LCOR: variants seen among roughly 807,000 people sequenced by gnomAD.
The protein encoded by LCOR is ligand dependent nuclear receptor corepressor.
Under a neutral mutation model 64.4 loss-of-function variants are expected in LCOR, and 14 were observed. The ratio of observed to expected loss-of-function variants is 0.22; its 90% CI spans 0.14 to 0.34. The LOEUF (loss-of-function observed/expected upper bound fraction) is 0.34, where lower values mean the gene tolerates loss of function less well. Among genes scored for constraint, LCOR ranks in the 10% least tolerant of loss-of-function variants. The pLI is 1.00. For missense variants in LCOR, 1,686 were observed against 1,765.3 expected (o/e 0.96, Z 0.80); for synonymous variants, 643 against 642.5 (o/e 1.00, Z -0.01).
intron 6 of LCOR, among the ~76,000 whole-genome samples, chr10:96,950,986 G>A (rs1847668481): frequency 6.6e-6 from 1 of 152,106 alleles, no homozygotes; most frequent in Non-Finnish European, 1.5e-5. Context: ...TTTCTTATGA[G>A]TGTGGGGTTT....
At position 96,929,020 on chromosome 10, in the gene LCOR, T is replaced by C. The variant is rs545629871; in HGVS notation, c.-183-15093T>C. Among the ~76,000 whole-genome samples, 36 of 152,334 alleles carry C rather than the reference T, an allele frequency of 2.4e-4. 1 individual carries two copies. The highest frequency in any genetic ancestry group is 8.7e-4 in the African/African-American group (36 of 41,580). On this transcript the variant is annotated intron_variant, in intron 4 of 7. Transcript: ENST00000421806. ...CAGTAAACCATAATATAAACACATG[T>C]GTTGTCATCCAGGCTTTGTTGTTCT...
intron 4 of LCOR, among the ~76,000 whole-genome samples, chr10:96,923,976 C>CT (rs1376703172): frequency 6.6e-6 from 1 of 152,198 alleles, no homozygotes; most frequent in Non-Finnish European, 1.5e-5. Flanking sequence ...ATTGTGTACT[C>CT]TGTTTTTAAT....
At chr10:96,893,388 A>G (rs1846479706) in intron 2 of LCOR, among the ~76,000 whole-genome samples, 1 of 152,226 alleles carries the variant, frequency 6.6e-6, no homozygotes, top group African/African-American at 2.4e-5. Flanking sequence ...GCTTTCAGAT[A>G]CTATTCTAAA....
At chr10:96,936,064 C>T (rs1847345686) in intron 4 of LCOR, among the ~76,000 whole-genome samples, 1 of 152,226 alleles carries the variant, frequency 6.6e-6, no homozygotes, top group Non-Finnish European at 1.5e-5. Flanking sequence ...TCTGAGATTC[C>T]CCTGTTAGAC....
chr10:96,901,665 C>T (rs1846639962), intron 2 of LCOR, among the ~76,000 whole-genome samples: 1 of 152,168 alleles, frequency 6.6e-6, no homozygotes, highest in African/African-American at 2.4e-5. Context: ...GCACGTCTGG[C>T]CACCTCATCT....
At position 96,877,598 on chromosome 10, in the gene LCOR, A is replaced by ATTT. The variant is rs57119025; in HGVS notation, c.-329-29638_-329-29636dup. Among the ~76,000 whole-genome samples the ATTT allele has an allele frequency of 4.3e-4, 28 of 65,684 alleles. 1 individual carries two copies. The highest frequency in any genetic ancestry group is 5.9e-4 in the Non-Finnish European group (23 of 38,826). 43.1% of individuals were successfully genotyped at this position (65,684 alleles called of 152,430 possible). On this transcript the variant is annotated intron_variant, in intron 2 of 7. Transcript: ENST00000421806. ...CAAGGGTGTCAACTCATTTTTCTGA[A>ATTT]TTTTTTTTTTTTTTTTTTTTTTTTT...
At position 96,948,879 on chromosome 10, in the gene LCOR, C is replaced by T. The variant is rs570054986; in HGVS notation, c.-50-129C>T. 1.1e-4 allele frequency: 68 copies of T among 608,234 alleles called. No homozygotes were observed. In the East Asian group the frequency reaches 2.0e-3, roughly 18 times the overall value. 37.7% of individuals were successfully genotyped at this position (608,234 alleles called of 1,614,324 possible). A position where few individuals can be genotyped will look rare whatever the true frequency, so the allele number is the denominator to read the frequency against. ...ACTCAAAAGCTTAGAAAACATAAGT[C>T]AAAGGGGAGATACTATTTTTAAGAT... On this transcript the variant is annotated intron_variant, in intron 5 of 7. Coordinates refer to ENST00000421806, the MANE Select transcript of LCOR (RefSeq NM_001346516.2).
At chr10:96,954,698 G>A (rs1476147253) in intron 7 of LCOR, among the ~76,000 whole-genome samples, 1 of 151,924 alleles carries the variant, frequency 6.6e-6, no homozygotes, top group Non-Finnish European at 1.5e-5. Flanking sequence ...CCCAACCAGA[G>A]ACCGGCTGAC....
chr10:96,944,026 T>C lies in LCOR; in HGVS notation c.-183-87T>C, dbSNP rs544941664. 3.6e-6 allele frequency: 3 copies of C among 827,170 alleles called. No individual in the cohort carries two copies. In the South Asian group the frequency reaches 1.7e-4, roughly 46 times the overall value. 51.2% of individuals were successfully genotyped at this position (827,170 alleles called of 1,614,324 possible). ...AATTGCATCAAATTAATTTGCCTTA[T>C]TTGCTACTAACTTTGATTTCGTCTA... On this transcript the variant is annotated intron_variant, in intron 4 of 7. Coordinates refer to ENST00000421806, the MANE Select transcript of LCOR (RefSeq NM_001346516.2).
In LCOR at chr10:96,982,635, C is replaced by A. The variant is rs769609960; in HGVS notation, c.2175C>A (p.Asp725Glu). The change falls in exon 8 of 8, where the codon GAC becomes GAA. Residue 725 changes from aspartate to glutamate, a missense_variant. Asp to Glu is a conservative substitution (Grantham distance 45). Coordinates refer to ENST00000421806, the MANE Select transcript of LCOR (RefSeq NM_001346516.2). ...CCATGAGTCTGGGAAAGGCTGAGGA[C>A]AACCAAAGCATCAGTGCTGAGGTTG... is the stretch of plus-strand genomic sequence containing the variant. The part of the protein sequence containing the change: ...EPPMSLGKAE[D>E]NQSISAEVES... The A allele has an allele frequency of 1.9e-6, 3 of 1,614,026 alleles. No individual in the cohort carries two copies. The highest frequency in any genetic ancestry group is 1.7e-5 in the Admixed American group (1 of 60,008).
intron 7 of LCOR, chr10:96,961,759 T>A (rs1000829938): frequency 7.9e-5 from 12 of 152,106 alleles, no homozygotes; most frequent in African/African-American, 2.9e-4. Flanking sequence ...CAGGGATTTT[T>A]AACAGTCAAT....
chr10:96,918,437 G>A (rs1846992640), intron 4 of LCOR, among the ~76,000 whole-genome samples: 1 of 152,178 alleles, frequency 6.6e-6, no homozygotes. Context: ...GAATATGTGG[G>A]TGTTGGTGGG....
intron 7 of LCOR, chr10:96,955,273 T>A: frequency 6.2e-7 from 1 of 1,614,122 alleles, no homozygotes; most frequent in African/African-American, 1.3e-5. Flanking sequence ...CTCAGCAACA[T>A]CAGTGACCTT....
At chr10:96,928,430 C>T (rs992336610) in intron 4 of LCOR, among the ~76,000 whole-genome samples, 1 of 152,086 alleles carries the variant, frequency 6.6e-6, no homozygotes, top group Non-Finnish European at 1.5e-5. Context: ...GTTTTGTTTT[C>T]TCATCCATAA....
chr10:96,961,162 T>G (rs1847873160), intron 7 of LCOR: 1 of 152,126 alleles, frequency 6.6e-6, no homozygotes, highest in African/African-American at 2.4e-5. Context: ...CCATCTTGAT[T>G]TGATAGAAAA....
intron 1 of LCOR, chr10:96,833,130 T>C: frequency 2.8e-5 from 28 of 985,408 alleles, no homozygotes; most frequent in Non-Finnish European, 3.4e-5. Context: ...TGTGTGCGTA[T>C]TTGTGTTCGG....
intron 4 of LCOR, among the ~76,000 whole-genome samples, chr10:96,926,208 C>T (rs569401489): frequency 6.6e-6 from 1 of 152,290 alleles, no homozygotes; most frequent in African/African-American, 2.4e-5. Flanking sequence ...CAAACATCAG[C>T]CATTGGGCAG....
At chr10:96,880,966 A>G (rs550158286) in intron 2 of LCOR, among the ~76,000 whole-genome samples, 2 of 152,358 alleles carry the variant, frequency 1.3e-5, no homozygotes, top group Middle Eastern at 3.4e-3. Context: ...AAATAAATTC[A>G]TTACATACAA....
At chr10:96,844,380 A>G (rs931236221) in intron 2 of LCOR, among the ~76,000 whole-genome samples, 7 of 151,800 alleles carry the variant, frequency 4.6e-5, no homozygotes, top group East Asian at 1.9e-4. Flanking sequence ...AATCTTCAGC[A>G]TTATGCATAT....
Sources: allele counts gnomAD v4.1 joint callset (sites outside exome capture counted in the v4.1 genomes callset), GRCh38; gene constraint gnomAD v4.1.1; transcripts MANE v1.5; gene names NCBI Gene and HGNC (gene_info 2026-07-23, HGNC 2026-07-21).